Variants in CEP128 observed in about 807,000 individuals in gnomAD.
The protein encoded by CEP128 is centrosomal protein 128kDa.
A neutral mutation model predicts 156.7 loss-of-function variants in CEP128; 132 were observed. The ratio of observed to expected loss-of-function variants is 0.84; its 90% CI spans 0.73 to 0.97. The LOEUF (loss-of-function observed/expected upper bound fraction) is 0.97, where lower values mean the gene tolerates loss of function less well. Among genes scored for constraint, CEP128 ranks in the 50% least tolerant of loss-of-function variants. The probability of loss-of-function intolerance (pLI) is 0.00; values close to 1 mark genes in which losing one functional copy is unlikely to be tolerated. For synonymous variants in CEP128, 469 were observed against 448.9 expected (o/e 1.04, Z -0.57); for missense variants, 1,252 against 1,281.9 (o/e 0.98, Z 0.36).
At chr14:80,616,739 T>C (rs766839928) in intron 19 of CEP128, among the ~76,000 whole-genome samples, 4 of 152,162 alleles carry the variant, frequency 2.6e-5, no homozygotes, top group Non-Finnish European at 5.9e-5. Context: ...CCAGGAAAAG[T>C]AGAAAATTTA....
At chr14:80,710,989 C>T (rs959687656) in intron 19 of CEP128, among the ~76,000 whole-genome samples, 2 of 152,122 alleles carry the variant, frequency 1.3e-5, no homozygotes, top group African/African-American at 2.4e-5. Flanking sequence ...GATAACTTAT[C>T]AAATACAATG....
At chr14:80,646,796 T>C (rs1248044845) in intron 19 of CEP128, among the ~76,000 whole-genome samples, 1 of 151,542 alleles carries the variant, frequency 6.6e-6, no homozygotes, top group East Asian at 1.9e-4. Context: ...TGTCCAGGGA[T>C]GCTTTAGATG....
chr14:80,751,051 T>C (rs1045321742), intron 18 of CEP128, among the ~76,000 whole-genome samples: 9 of 152,320 alleles, frequency 5.9e-5, no homozygotes, highest in South Asian at 4.2e-4. Flanking sequence ...TGGCCATCTA[T>C]GAGCCAGGAA....
At chr14:80,578,775 G>A (rs896122316) in intron 20 of CEP128, among the ~76,000 whole-genome samples, 3 of 152,126 alleles carry the variant, frequency 2.0e-5, no homozygotes, top group Non-Finnish European at 4.4e-5. Flanking sequence ...TAACATTAAA[G>A]GCTTTCTGTG....
At chr14:80,765,619 G>A (rs1900200793) in intron 16 of CEP128, among the ~76,000 whole-genome samples, 1 of 152,160 alleles carries the variant, frequency 6.6e-6, no homozygotes, top group African/African-American at 2.4e-5. Context: ...CAGATGCCTG[G>A]AGCTAGGGAA....
rs139156030 is a variant in CEP128 at position 80,643,617 on chromosome 14, G to A, written c.2807-63194C>T. Among the ~76,000 whole-genome samples the A allele has an allele frequency of 5.7e-3, 860 of 152,166 alleles. 3 individuals are homozygous for A. The highest frequency in any genetic ancestry group is 0.018 in the African/African-American group (731 of 41,498). ...CCCAGCTACTCGGGAGGCTCAGGCC[G>A]GAGAATCACTTGAACCTGGGAAGCG... is the stretch of plus-strand genomic sequence containing the variant. On this transcript the variant is annotated intron_variant, in intron 19 of 24. Transcript: ENST00000555265.
At chr14:80,748,831 C>T (rs1228801088) in intron 18 of CEP128, among the ~76,000 whole-genome samples, 1 of 152,104 alleles carries the variant, frequency 6.6e-6, no homozygotes, top group African/African-American at 2.4e-5. Flanking sequence ...AAATAAAGCA[C>T]CAAGTAGACT....
intron 19 of CEP128, among the ~76,000 whole-genome samples, chr14:80,734,850 A>T (rs1898451750): frequency 1.3e-5 from 2 of 148,688 alleles, no homozygotes; most frequent in Non-Finnish European, 3.0e-5. Context: ...CCATCTCAAA[A>T]AAAAAAAAAA....
intron 9 of CEP128, among the ~76,000 whole-genome samples, chr14:80,858,658 G>A (rs1887340481): frequency 6.7e-6 from 1 of 149,414 alleles, no homozygotes; most frequent in African/African-American, 2.5e-5. Context: ...CTGACAAAGG[G>A]CTAATATCCA....
At chr14:80,912,168 G>A (rs1884267306) in intron 4 of CEP128, among the ~76,000 whole-genome samples, 1 of 150,574 alleles carries the variant, frequency 6.6e-6, no homozygotes, top group Non-Finnish European at 1.5e-5. Flanking sequence ...AGTGAGCTGA[G>A]ATCGCGCCAC....
intron 20 of CEP128, among the ~76,000 whole-genome samples, chr14:80,561,430 T>C (rs1890668427): frequency 6.6e-6 from 1 of 152,192 alleles, no homozygotes; most frequent in Non-Finnish European, 1.5e-5. Context: ...ATCTAATTCA[T>C]TGTGCATCTG....
At chr14:80,731,992 T>C (rs1474901078) in intron 19 of CEP128, among the ~76,000 whole-genome samples, 1 of 152,094 alleles carries the variant, frequency 6.6e-6, no homozygotes, top group East Asian at 1.9e-4. Flanking sequence ...TAGCTTCTGT[T>C]GAAGATACCA....
chr14:80,760,332 T>C (rs1899896232), intron 17 of CEP128, among the ~76,000 whole-genome samples: 1 of 152,000 alleles, frequency 6.6e-6, no homozygotes, highest in Non-Finnish European at 1.5e-5. Context: ...CCAAATTCTA[T>C]TAGTTAAAAT....
upstream of CEP128, among the ~76,000 whole-genome samples, chr14:80,944,056 A>C (rs1886268464): frequency 6.6e-6 from 1 of 152,182 alleles, no homozygotes; most frequent in Non-Finnish European, 1.5e-5. Flanking sequence ...GTCTTAACAA[A>C]ATAGACAAAA....
intron 9 of CEP128, among the ~76,000 whole-genome samples, chr14:80,860,344 T>A (rs1288123847): frequency 6.6e-6 from 1 of 152,186 alleles, no homozygotes. Flanking sequence ...CCTATTGTAT[T>A]GTCAGAGATG....
intron 19 of CEP128, among the ~76,000 whole-genome samples, chr14:80,636,098 G>A (rs1894170243): frequency 6.6e-6 from 1 of 152,146 alleles, no homozygotes; most frequent in South Asian, 2.1e-4. Context: ...TGTACTTATT[G>A]CTACTTATTT....
At chr14:80,936,740 A>T (rs185895418) in intron 2 of CEP128, among the ~76,000 whole-genome samples, 1 of 152,222 alleles carries the variant, frequency 6.6e-6, no homozygotes, top group Non-Finnish European at 1.5e-5. Context: ...AAGATACATA[A>T]GCAGACAATT....
intron 22 of CEP128, among the ~76,000 whole-genome samples, chr14:80,529,095 A>C (rs919928118): frequency 5.3e-5 from 8 of 152,198 alleles, no homozygotes; most frequent in Non-Finnish European, 8.8e-5. Context: ...CAGCTAGTTT[A>C]TGGGCTCCAA....
rs569198885 is a variant in CEP128, at chr14:80,594,524, G to A, written c.2807-14101C>T. Among the ~76,000 whole-genome samples the A allele has an allele frequency of 2.0e-5, 3 of 152,236 alleles. No homozygotes were observed. The South Asian group carries it at 6.2e-4, about 32-fold the overall frequency. On this transcript the variant is annotated intron_variant, in intron 19 of 24. Transcript: ENST00000555265. ...CACAGCAAAAGGAACTATCATCAGA[G>A]TGAACAGGCAACATACAGAATGGGA...
Sources: allele counts gnomAD v4.1 joint callset (sites outside exome capture counted in the v4.1 genomes callset), GRCh38; gene constraint gnomAD v4.1.1; transcripts MANE v1.5; gene names NCBI Gene and HGNC (gene_info 2026-07-23, HGNC 2026-07-21).